Variants in DEDD observed in about 807,000 individuals in gnomAD.
The protein encoded by DEDD is death effector domain containing.
Under a neutral mutation model 29.2 loss-of-function variants are expected in DEDD, and 3 were observed. The ratio of observed to expected loss-of-function variants is 0.10; its 90% confidence interval spans 0.05 to 0.27. DEDD has a LOEUF of 0.27. DEDD is among the 10% of genes least tolerant of loss of function. The pLI, the probability that DEDD is intolerant of heterozygous loss-of-function variation, is 1.00. For synonymous variants in DEDD, 152 were observed against 161.3 expected, an observed-to-expected ratio of 0.94 and a Z score of 0.44; for missense variants, 261 against 420.5, an observed-to-expected ratio of 0.62 and a Z score of 3.32.
intron 2 of DEDD, among the ~76,000 whole-genome samples, chr1:161,127,878 T>C (rs1293982010): frequency 1.3e-5 from 2 of 152,172 alleles, no homozygotes; most frequent in Non-Finnish European, 2.9e-5. Context: ...TGGGTAGGTT[T>C]CACATTAAAC....
Position 161,123,912 on chromosome 1 carries a change from C to T in DEDD, c.360G>A (p.Glu120=), listed in dbSNP as rs1363837795. The change falls in exon 4 of 6, where the codon GAG becomes GAA. Residue 120 remains glutamate, a synonymous_variant. Coordinates refer to ENST00000368006, the MANE Select transcript of DEDD (RefSeq NM_032998.3). ...CPDLVDKYLE[E]TSIRYVTPRA... is the part of the protein sequence containing the mutation. ...TGGGGGTCACATAGCGAATTGATGT[C>T]TCCTCCAGATACTTGTCTACAAGAT... The T allele has an allele frequency of 1.2e-6, 2 of 1,613,926 alleles. No individual in the cohort carries two copies. Among genetic ancestry groups the T allele is most frequent in the African/African-American group, 2.7e-5 (2 of 74,836 alleles).
In DEDD at chr1:161,122,024, TAAA is replaced by T. The variant is rs34197267; in HGVS notation, c.*120_*122del. 1.1e-3 allele frequency: 1,160 copies of T among 1,065,244 alleles called. No individual in the cohort carries two copies. Among genetic ancestry groups the T allele is most frequent in the South Asian group, 1.3e-3 (66 of 51,336 alleles). 66.0% of individuals were successfully genotyped at this position (1,065,244 alleles called of 1,614,324 possible). On this transcript the variant is annotated 3_prime_UTR_variant, in exon 6 of 6. Transcript: ENST00000368006. This position sits in a 1 kb window ranked among gnomAD's most constrained non-coding sequence, Gnocchi z 4.2. ...TTCCACTTTCTTTTGTCTTTTTCTT[TAAA>T]AAAAAAAAAAAAAAGGCAGGGGTGT...
Position 161,121,906 on chromosome 1 carries a change from G to C in DEDD, c.*241C>G, listed in dbSNP as rs1344071875. 2.0e-6 allele frequency: 1 copy of C among 500,614 alleles called. No homozygotes were observed. Among genetic ancestry groups the C allele is most frequent in the Non-Finnish European group, 3.6e-6 (1 of 280,572 alleles). 31.0% of individuals were successfully genotyped at this position (500,614 alleles called of 1,614,324 possible). The stretch of plus-strand genomic sequence containing the variant: ...CATTTGTCTTACGGCTCAGTGGTAA[G>C]GTAGCTGTAGAGACACATTACGGGG... On this transcript the variant is annotated 3_prime_UTR_variant, in exon 6 of 6. Transcript: ENST00000368006.
intron 2 of DEDD, among the ~76,000 whole-genome samples, chr1:161,127,585 G>C (rs995006397): frequency 1.3e-5 from 2 of 152,168 alleles, no homozygotes; most frequent in African/African-American, 4.8e-5. Flanking sequence ...TATGTAGACA[G>C]GAAATGTAAT....
chr1:161,131,802 G>C (rs1448376225), intron 1 of DEDD, among the ~76,000 whole-genome samples: 2 of 151,898 alleles, frequency 1.3e-5, no homozygotes, highest in South Asian at 2.1e-4. Context: ...GGCTGCAACT[G>C]ATGCTGCTTA....
chr1:161,129,431 CA>C (rs1466600234), intron 2 of DEDD, among the ~76,000 whole-genome samples: 1 of 151,040 alleles, frequency 6.6e-6, no homozygotes, highest in Non-Finnish European at 1.5e-5. Context: ...TCCATCTCTA[CA>C]AACAATAAAC....
chr1:161,129,162 C>T (rs1305325651), intron 2 of DEDD, among the ~76,000 whole-genome samples: 3 of 152,146 alleles, frequency 2.0e-5, no homozygotes, highest in Non-Finnish European at 2.9e-5. Context: ...ATGAAGCAAA[C>T]ATAGAAATAT....
intron 2 of DEDD, among the ~76,000 whole-genome samples, chr1:161,127,027 GTATT>G (rs1656251981): frequency 6.6e-6 from 1 of 152,104 alleles, no homozygotes; most frequent in Non-Finnish European, 1.5e-5. Context: ...AATTATTTGT[GTATT>G]TATTATCCCA....
In DEDD at chr1:161,132,581, G is replaced by C. The variant is rs1656793537; in HGVS notation, c.-128C>G. On this transcript the variant is annotated 5_prime_UTR_variant, in exon 1 of 6. The change creates a new upstream start codon in the 5' untranslated region. Coordinates refer to ENST00000368006, the MANE Select transcript of DEDD (RefSeq NM_032998.3). Reference sequence around the variant, plus strand: ...GCTCAGGCTCGGCGCCGCCATGTTGGATCCATCCGCGCCGCTCTCCCGGGC... The same window carrying C: ...GCTCAGGCTCGGCGCCGCCATGTTGCATCCATCCGCGCCGCTCTCCCGGGC... 6.4e-6 allele frequency: 1 copy of C among 157,186 alleles called. No individual in the cohort carries two copies. Among genetic ancestry groups the C allele is most frequent in the Non-Finnish European group, 1.4e-5 (1 of 71,452 alleles). 9.7% of individuals were successfully genotyped at this position (157,186 alleles called of 1,614,324 possible).
intron 2 of DEDD, among the ~76,000 whole-genome samples, chr1:161,128,339 G>A (rs183777485): frequency 2.2e-4 from 34 of 152,262 alleles, no homozygotes; most frequent in African/African-American, 7.2e-4. Context: ...AGTGGCTCCC[G>A]TCTGTAATCC....
Position 161,121,791 on chromosome 1 carries a change from G to A in DEDD, c.*356C>T, listed in dbSNP as rs991834629. ...TTTAAGAGCTCTCATAAAGCCAGAA[G>A]TATTGATAACTCCTTAGTGCATCCA... On this transcript the variant is annotated 3_prime_UTR_variant, in exon 6 of 6. Coordinates refer to ENST00000368006, the MANE Select transcript of DEDD (RefSeq NM_032998.3). 6 of 185,080 alleles carry A rather than the reference G, an allele frequency of 3.2e-5. No homozygotes were observed. The highest frequency in any genetic ancestry group is 3.2e-4 in the Admixed American group (6 of 18,704). 11.5% of individuals were successfully genotyped at this position (185,080 alleles called of 1,614,324 possible).
At position 161,123,132 on chromosome 1, in the gene DEDD, T is replaced by C; in HGVS notation, c.523A>G (p.Ser175Gly). The change falls in exon 5 of 6, where the codon AGC becomes GGC. Residue 175 changes from serine to glycine, a missense_variant. This residue lies in a region of DEDD where 203 missense variants were observed against 268.7 expected (regional missense o/e 0.76). Coordinates refer to ENST00000368006, the MANE Select transcript of DEDD (RefSeq NM_032998.3). ...RPARGRATLG[S>G]QRKRRKSVTP... ...ACTGACTTCCGGCGTTTTCGCTGGC[T>C]CCCAAGTGTGGCTCTCCCTCGGGCT... The C allele has an allele frequency of 6.2e-7, 1 of 1,614,204 alleles. No homozygotes were observed. The highest frequency in any genetic ancestry group is 8.5e-7 in the Non-Finnish European group (1 of 1,180,032).
rs1424739803 is a variant in DEDD, at chr1:161,122,021, C to CT, written c.*125dup. 6.7e-5 allele frequency: 75 copies of CT among 1,120,166 alleles called. No individual in the cohort carries two copies. Among genetic ancestry groups the CT allele is most frequent in the African/African-American group, 5.0e-4 (27 of 53,768 alleles). 69.4% of individuals were successfully genotyped at this position (1,120,166 alleles called of 1,614,324 possible). A position where few individuals can be genotyped will look rare whatever the true frequency, so the allele number is the denominator to read the frequency against. On this transcript the variant is annotated 3_prime_UTR_variant, in exon 6 of 6. Coordinates refer to ENST00000368006, the MANE Select transcript of DEDD (RefSeq NM_032998.3). This position sits in a 1 kb window ranked among gnomAD's most constrained non-coding sequence, Gnocchi z 4.2. The stretch of plus-strand genomic sequence containing the variant: ...CACTTCCACTTTCTTTTGTCTTTTT[C>CT]TTTAAAAAAAAAAAAAAAAAGGCAG...
Position 161,124,789 on chromosome 1 carries a change from C to T in DEDD, c.-64-263G>A, listed in dbSNP as rs558067923. On this transcript the variant is annotated intron_variant, in intron 2 of 5. Coordinates refer to ENST00000368006, the MANE Select transcript of DEDD (RefSeq NM_032998.3). ...CCAGCCTGGGCAACATAGGGAGACC[C>T]GTTTCTACAAAAAAAGAAAAAATTA... 5 of 228,174 alleles carry T rather than the reference C, an allele frequency of 2.2e-5. No individual in the cohort carries two copies. In the East Asian group the frequency reaches 2.9e-4, roughly 13 times the overall value. 14.1% of individuals were successfully genotyped at this position (228,174 alleles called of 1,614,324 possible).
chr1:161,126,992 TACACCATTTATC>T (rs1656247805), intron 2 of DEDD, among the ~76,000 whole-genome samples: 1 of 152,216 alleles, frequency 6.6e-6, no homozygotes, highest in Non-Finnish European at 1.5e-5. Context: ...ATATCTCCTT[TACACCATTTATC>T]ACCATGTACT....
intron 2 of DEDD, among the ~76,000 whole-genome samples, chr1:161,126,639 GC>G (rs1656206286): frequency 6.6e-6 from 1 of 152,036 alleles, no homozygotes. Flanking sequence ...ACCACGCCTG[GC>G]CGAACACTCC....
rs35678373 is a variant in DEDD at position 161,123,635 on chromosome 1, CAAAAAAAAA to C, written c.433+195_433+203del. On this transcript the variant is annotated intron_variant, in intron 4 of 5. Transcript: ENST00000368006. ...TGGGCGACAGAGGGAGACTCTGTCT[CAAAAAAAAA>C]AAAAAAAAAGACAAGACATGTGAGA... Among the ~76,000 whole-genome samples the C allele has an allele frequency of 6.7e-5, 6 of 88,936 alleles. No individual in the cohort carries two copies. In the South Asian group the frequency reaches 2.3e-3, roughly 34 times the overall value. The allele number at this position is 88,936 out of a possible 152,430, so 58.3% of individuals were successfully genotyped here. A position where few individuals can be genotyped will look rare whatever the true frequency, so the allele number is the denominator to read the frequency against.
rs1655465518 is a variant in DEDD, at chr1:161,121,309, A to C, written c.*838T>G. 1 of 398,836 alleles carries C rather than the reference A, an allele frequency of 2.5e-6. No individual in the cohort carries two copies. Among genetic ancestry groups the C allele is most frequent in the African/African-American group, 2.2e-5 (1 of 45,794 alleles). The allele number at this position is 398,836 out of a possible 1,614,324, so 24.7% of individuals were successfully genotyped here. On this transcript the variant is annotated 3_prime_UTR_variant, in exon 6 of 6. Transcript: ENST00000368006. ...TATGATGCCCTTTGCCCAAGCCAGAAGAAAGCAAAGGGGAAAAGGGCTGCA... is the reference window on the plus strand; with the variant it reads ...TATGATGCCCTTTGCCCAAGCCAGACGAAAGCAAAGGGGAAAAGGGCTGCA...
intron 2 of DEDD, among the ~76,000 whole-genome samples, chr1:161,127,750 T>C (rs1172157992): frequency 6.6e-6 from 1 of 152,226 alleles, no homozygotes; most frequent in African/African-American, 2.4e-5. Context: ...TTATTGCTCA[T>C]AGCAGGCAAC....
Sources: gnomAD v4.1 joint callset for allele counts (sites outside exome capture counted in the v4.1 genomes callset) on GRCh38, gnomAD v4.1.1 for gene constraint, gnomAD v4.1.1 regional missense constraint, Gnocchi (gnomAD v3.1) non-coding constraint, MANE v1.5 for transcripts, NCBI Gene and HGNC (gene_info 2026-07-23, HGNC 2026-07-21) for gene names.